Variants in GSG1L observed in about 807,000 individuals in gnomAD.
GSG1L encodes the protein GSG1 like.
In GSG1L, 24 loss-of-function variants were observed where a neutral mutation model predicts 42.1. The observed-to-expected ratio is 0.57, with a 90% confidence interval of 0.41 to 0.80. GSG1L has a LOEUF of 0.80. GSG1L is among the 30% of genes least tolerant of loss of function. The probability of loss-of-function intolerance (pLI) is 0.00; values close to 1 mark genes in which losing one functional copy is unlikely to be tolerated. For synonymous variants in GSG1L, 215 were observed against 203.5 expected, an observed-to-expected ratio of 1.06 and a Z score of -0.48; for missense variants, 445 against 472.2, an observed-to-expected ratio of 0.94 and a Z score of 0.53.
chr16:27,812,934 C>T (rs1199243268), intron 5 of GSG1L, among the ~76,000 whole-genome samples: 1 of 152,098 alleles, frequency 6.6e-6, no homozygotes, highest in African/African-American at 2.4e-5. Context: ...CGTGCACCAT[C>T]ACACCCGGCT....
At chr16:28,027,768 C>A (rs531038268) in intron 1 of GSG1L, among the ~76,000 whole-genome samples, 1 of 152,224 alleles carries the variant, frequency 6.6e-6, no homozygotes, top group South Asian at 2.1e-4. Flanking sequence ...AAGTCTGAAT[C>A]CCAGCACTTT....
intron 4 of GSG1L, among the ~76,000 whole-genome samples, chr16:27,841,587 C>A (rs1281385281): frequency 6.6e-6 from 1 of 152,144 alleles, no homozygotes. Flanking sequence ...AATGGCCTCA[C>A]ACATATTAAA....
intron 1 of GSG1L, among the ~76,000 whole-genome samples, chr16:28,034,160 G>A (rs1420128006): frequency 4.5e-4 from 26 of 57,944 alleles, no homozygotes; most frequent in Admixed American, 1.2e-3. Context: ...ATCCCATCCC[G>A]TTCCACCCCA....
chr16:27,789,015 T>C lies in GSG1L; in HGVS notation c.*2355A>G, dbSNP rs1450772143. On this transcript the variant is annotated 3_prime_UTR_variant, in exon 7 of 7. Coordinates refer to ENST00000447459, the MANE Select transcript of GSG1L (RefSeq NM_001109763.2). ...GTAGGGGCACAGTGAACTATATCAGTGAATAGATGGATGCACAGCTGGATG... is the reference window on the plus strand; with the variant it reads ...GTAGGGGCACAGTGAACTATATCAGCGAATAGATGGATGCACAGCTGGATG... 4 of 152,108 alleles carry C rather than the reference T, an allele frequency of 2.6e-5. No individual in the cohort carries two copies. The highest frequency in any genetic ancestry group is 4.8e-5 in the African/African-American group (2 of 41,402). The allele number at this position is 152,108 out of a possible 1,614,324, so 9.4% of individuals were successfully genotyped here.
chr16:27,929,790 C>T (rs1175744285), intron 2 of GSG1L, among the ~76,000 whole-genome samples: 3 of 152,136 alleles, frequency 2.0e-5, no homozygotes, highest in African/African-American at 4.8e-5. Flanking sequence ...GGCTAGATTC[C>T]ACTCCACATA....
chr16:27,800,580 C>T (rs1485872562), intron 6 of GSG1L, among the ~76,000 whole-genome samples: 2 of 152,110 alleles, frequency 1.3e-5, no homozygotes, highest in African/African-American at 4.8e-5. Context: ...GCTGGTGGCG[C>T]CACAAAGCCC....
intron 2 of GSG1L, among the ~76,000 whole-genome samples, chr16:27,907,009 G>A (rs966586257): frequency 6.6e-6 from 1 of 152,194 alleles, no homozygotes; most frequent in Non-Finnish European, 1.5e-5. Context: ...ACTTGAGTAT[G>A]GGGGACAGTC....
rs183489076 is a variant in GSG1L at position 27,989,647 on chromosome 16, C to T, written c.350-26444G>A. ...CCCAGCTACTTGGGAGGCTGAGGCA[C>T]GAGAATCACTTGAACCCAGGATGCA... On this transcript the variant is annotated intron_variant, in intron 1 of 6. Transcript: ENST00000447459. Among the ~76,000 whole-genome samples, 536 of 150,592 alleles carry T rather than the reference C, an allele frequency of 3.6e-3. 1 individual carries two copies. Among genetic ancestry groups the T allele is most frequent in the African/African-American group, 0.012 (498 of 41,026 alleles).
chr16:28,011,333 G>A (rs1354444946), intron 1 of GSG1L, among the ~76,000 whole-genome samples: 1 of 152,186 alleles, frequency 6.6e-6, no homozygotes, highest in Admixed American at 6.5e-5. Flanking sequence ...CCTGGGTTGG[G>A]GGCTGTGAGC....
intron 1 of GSG1L, among the ~76,000 whole-genome samples, chr16:27,993,406 G>A (rs1432435877): frequency 6.6e-6 from 1 of 152,100 alleles, no homozygotes; most frequent in Admixed American, 6.6e-5. Context: ...AAAGTGCTGG[G>A]ATTACAGGCA....
chr16:27,978,206 C>T (rs1489168951), intron 1 of GSG1L, among the ~76,000 whole-genome samples: 1 of 152,182 alleles, frequency 6.6e-6, no homozygotes, highest in Non-Finnish European at 1.5e-5. Context: ...CACTCTGGCT[C>T]ACCACTCAGG....
intron 2 of GSG1L, among the ~76,000 whole-genome samples, chr16:27,900,409 G>A (rs761658511): frequency 3.9e-5 from 6 of 152,246 alleles, no homozygotes; most frequent in Non-Finnish European, 7.3e-5. Context: ...TAATGGGCAA[G>A]TAAGTGGCAG....
At chr16:27,994,297 T>TG (rs201154041) in intron 1 of GSG1L, among the ~76,000 whole-genome samples, 2,442 of 151,632 alleles carry the variant, frequency 0.016, 41 homozygotes, top group Middle Eastern at 0.048. Context: ...TCAGGTCCCT[T>TG]GGGGGGGTTC....
chr16:28,010,246 G>A (rs773946603), intron 1 of GSG1L, among the ~76,000 whole-genome samples: 1 of 152,170 alleles, frequency 6.6e-6, no homozygotes, highest in Non-Finnish European at 1.5e-5. Context: ...AGAGGGATTT[G>A]TCTCTATGGA....
chr16:27,868,415 C>CTTTG (rs957420692), intron 3 of GSG1L, among the ~76,000 whole-genome samples: 6 of 152,316 alleles, frequency 3.9e-5, no homozygotes, highest in Non-Finnish European at 8.8e-5. Flanking sequence ...ATGGGGCCAG[C>CTTTG]CACAGGGGAT....
intron 2 of GSG1L, among the ~76,000 whole-genome samples, chr16:27,901,325 C>T (rs1475082773): frequency 6.6e-6 from 1 of 152,144 alleles, no homozygotes; most frequent in African/African-American, 2.4e-5. Context: ...TGTCAAAGCC[C>T]CAGGTGCATC....
At chr16:27,918,410 C>A (rs187039808) in intron 2 of GSG1L, among the ~76,000 whole-genome samples, 1 of 152,238 alleles carries the variant, frequency 6.6e-6, no homozygotes, top group African/African-American at 2.4e-5. Context: ...ATAATCCCAG[C>A]ACTTTAGGAT....
intron 1 of GSG1L, among the ~76,000 whole-genome samples, chr16:28,025,248 G>A (rs1465402993): frequency 6.6e-6 from 1 of 152,144 alleles, no homozygotes; most frequent in Non-Finnish European, 1.5e-5. Flanking sequence ...CCAGGAGAGT[G>A]GGTGCAGGAA....
chr16:28,049,456 G>A (rs1200855036), intron 1 of GSG1L, among the ~76,000 whole-genome samples: 5 of 152,000 alleles, frequency 3.3e-5, no homozygotes, highest in East Asian at 1.9e-4. Context: ...CAAGGCAGGA[G>A]GATCACTTGA....
Sources: allele counts gnomAD v4.1 joint callset (sites outside exome capture counted in the v4.1 genomes callset), GRCh38; gene constraint gnomAD v4.1.1; transcripts MANE v1.5; gene names NCBI Gene and HGNC (gene_info 2026-07-23, HGNC 2026-07-21).